The following SNTB2 variants were observed in gnomAD, a reference collection of about 807,000 sequenced individuals.
SNTB2 encodes beta-2-syntrophin.
Under a neutral mutation model 46.2 loss-of-function variants are expected in SNTB2, and 34 were observed. That is an observed-to-expected ratio of 0.74 (90% CI 0.56 to 0.98). The LOEUF is 0.98. Among genes scored for constraint, SNTB2 ranks in the 50% least tolerant of loss-of-function variants. The pLI is 0.00. For synonymous variants in SNTB2, 290 were observed against 312.6 expected (o/e 0.93, Z 0.76); for missense variants, 603 against 731.4 (o/e 0.82, Z 2.02).
intron 5 of SNTB2, among the ~76,000 whole-genome samples, chr16:69,297,963 A>G (rs537136113): frequency 6.6e-6 from 1 of 152,250 alleles, no homozygotes; most frequent in East Asian, 1.9e-4. Flanking sequence ...AAAATTGTTT[A>G]GACATTGCTC....
rs1567416337 is a variant in SNTB2 at position 69,292,378 on chromosome 16, ATTATATATATATTATAT to A, written c.1346-7211_1346-7195del. Among the ~76,000 whole-genome samples the A allele has an allele frequency of 5.4e-4, 14 of 25,794 alleles. 1 individual carries two copies. Among genetic ancestry groups the A allele is most frequent in the African/African-American group, 2.2e-3 (13 of 5,806 alleles). 16.9% of individuals were successfully genotyped at this position (25,794 alleles called of 152,430 possible). A position where few individuals can be genotyped will look rare whatever the true frequency, so the allele number is the denominator to read the frequency against. On this transcript the variant is annotated intron_variant, in intron 5 of 6. Coordinates refer to ENST00000336278, the MANE Select transcript of SNTB2 (RefSeq NM_006750.4). ...TTTATATATATATATATATATATAT[ATTATATATATATTATAT>A]ATATATATATATTATATATATATTA...
At chr16:69,233,664 G>A (rs550488438) in intron 1 of SNTB2, among the ~76,000 whole-genome samples, 1 of 152,164 alleles carries the variant, frequency 6.6e-6, no homozygotes, top group Non-Finnish European at 1.5e-5. Context: ...GATGTTCAGT[G>A]TAGTGTTAAC....
intron 1 of SNTB2, among the ~76,000 whole-genome samples, chr16:69,233,450 A>G (rs1964527755): frequency 1.3e-5 from 2 of 152,152 alleles, no homozygotes; most frequent in African/African-American, 4.8e-5. Flanking sequence ...TTGGGTGGGT[A>G]TATATACCAT....
intron 3 of SNTB2, among the ~76,000 whole-genome samples, chr16:69,268,995 C>T (rs142379004): frequency 0.014 from 2,120 of 151,472 alleles, 54 homozygotes; most frequent in African/African-American, 0.048. Context: ...CATGGAGAAA[C>T]CTCGTCTCTA....
At chr16:69,299,235 C>T (rs368045980) in intron 5 of SNTB2, among the ~76,000 whole-genome samples, 2 of 151,842 alleles carry the variant, frequency 1.3e-5, no homozygotes, top group Non-Finnish European at 2.9e-5. Context: ...GTCCGCCTCC[C>T]GGGTGCAAGC....
chr16:69,282,041 G>C (rs1006647485), intron 4 of SNTB2, among the ~76,000 whole-genome samples: 3 of 149,732 alleles, frequency 2.0e-5, no homozygotes, highest in East Asian at 2.1e-4. Context: ...GAGTAGCTGA[G>C]ATTACAGGCG....
chr16:69,196,362 T>C (rs1964105376), intron 1 of SNTB2, among the ~76,000 whole-genome samples: 1 of 145,770 alleles, frequency 6.9e-6, no homozygotes, highest in Admixed American at 6.7e-5. Flanking sequence ...CAACTTTGTT[T>C]TTCTTTTCTT....
chr16:69,200,539 C>T (rs1190705879), intron 1 of SNTB2, among the ~76,000 whole-genome samples: 1 of 152,114 alleles, frequency 6.6e-6, no homozygotes, highest in Non-Finnish European at 1.5e-5. Flanking sequence ...ACTGCTAGAG[C>T]AGGAGGAAGA....
At chr16:69,289,526 C>T (rs1391651850) in intron 5 of SNTB2, among the ~76,000 whole-genome samples, 1 of 152,062 alleles carries the variant, frequency 6.6e-6, no homozygotes, top group Non-Finnish European at 1.5e-5. Flanking sequence ...GTTAAATATT[C>T]AATGTGATGG....
At chr16:69,226,801 G>A (rs1305053387) in intron 1 of SNTB2, among the ~76,000 whole-genome samples, 3 of 152,210 alleles carry the variant, frequency 2.0e-5, no homozygotes, top group African/African-American at 7.2e-5. Context: ...AAAATGCTGG[G>A]ATTACAGGTG....
intron 1 of SNTB2, among the ~76,000 whole-genome samples, chr16:69,234,271 T>G (rs569861192): frequency 6.6e-6 from 1 of 152,268 alleles, no homozygotes; most frequent in East Asian, 1.9e-4. Context: ...AGATTGAGGC[T>G]GTAGTAAGCC....
chr16:69,203,030 T>C (rs546399151), intron 1 of SNTB2, among the ~76,000 whole-genome samples: 14 of 152,172 alleles, frequency 9.2e-5, no homozygotes, highest in Admixed American at 5.2e-4. Flanking sequence ...TGTTTTCTTT[T>C]TTTTTGAGAC....
At chr16:69,199,156 A>C (rs144578808) in intron 1 of SNTB2, among the ~76,000 whole-genome samples, 1 of 152,078 alleles carries the variant, frequency 6.6e-6, no homozygotes, top group South Asian at 2.1e-4. Context: ...TAGCCTGCCA[A>C]AGTGCTGGGA....
intron 4 of SNTB2, among the ~76,000 whole-genome samples, chr16:69,283,572 A>C (rs1965071091): frequency 6.6e-6 from 1 of 152,104 alleles, no homozygotes; most frequent in Non-Finnish European, 1.5e-5. Context: ...TTTGGCTGAA[A>C]TGTTTGAAAT....
rs149334320 is a variant in SNTB2 at position 69,216,152 on chromosome 16, G to T, written c.580+28406G>T. Among the ~76,000 whole-genome samples the T allele has an allele frequency of 1.2e-3, 190 of 152,178 alleles. 2 individuals are homozygous for T. Among genetic ancestry groups the T allele is most frequent in the Middle Eastern group, 6.8e-3 (2 of 294 alleles). On this transcript the variant is annotated intron_variant, in intron 1 of 6. Coordinates refer to ENST00000336278, the MANE Select transcript of SNTB2 (RefSeq NM_006750.4). ...ATAAGATAATACTTCTTGGAAGGAG[G>T]TTCTAATTATTTTGTTAATTCATTC...
At chr16:69,199,331 A>G (rs1057475186) in intron 1 of SNTB2, among the ~76,000 whole-genome samples, 10 of 152,228 alleles carry the variant, frequency 6.6e-5, no homozygotes, top group African/African-American at 1.9e-4. Context: ...AGTGCCAGAT[A>G]AAATATTTTA....
intron 1 of SNTB2, among the ~76,000 whole-genome samples, chr16:69,228,374 T>C (rs1261623636): frequency 1.3e-5 from 2 of 151,618 alleles, no homozygotes; most frequent in Non-Finnish European, 2.9e-5. Flanking sequence ...GGCATGGTGG[T>C]GCACACCTGT....
chr16:69,245,038 T>G (rs1425111451), intron 1 of SNTB2, among the ~76,000 whole-genome samples: 2 of 152,190 alleles, frequency 1.3e-5, no homozygotes, highest in African/African-American at 4.8e-5. Context: ...AGATTAAGTT[T>G]GTTCTATATG....
intron 5 of SNTB2, among the ~76,000 whole-genome samples, chr16:69,291,196 C>A (rs1421139938): frequency 2.6e-5 from 4 of 152,154 alleles, no homozygotes; most frequent in Admixed American, 6.5e-5. Context: ...CAGTTCTGGG[C>A]TGTCAGGCCA....
Sources: gnomAD v4.1 joint callset for allele counts (sites outside exome capture counted in the v4.1 genomes callset) on GRCh38, gnomAD v4.1.1 for gene constraint, MANE v1.5 for transcripts, NCBI Gene and HGNC (gene_info 2026-07-23, HGNC 2026-07-21) for gene names.